Variants in ELFN1 observed in about 807,000 individuals in gnomAD.
ELFN1 encodes extracellular leucine rich repeat and fibronectin type III domain containing 1.
A neutral mutation model predicts 7.6 loss-of-function variants in ELFN1; 6 were observed. The observed-to-expected ratio is 0.79, with a 90% CI of 0.43 to 1.56. ELFN1 has a LOEUF of 1.56. ELFN1 is among the 40% of genes most tolerant of loss of function. ELFN1 has a pLI of 0.01. For missense variants in ELFN1, 1,169 were observed against 1,232.2 expected (o/e 0.95, Z 0.77); for synonymous variants, 657 against 588.1 (o/e 1.12, Z -1.70).
At chr7:1,728,024 C>T (rs945272819) in intron 3 of ELFN1, among the ~76,000 whole-genome samples, 3 of 152,188 alleles carry the variant, frequency 2.0e-5, no homozygotes, top group African/African-American at 7.2e-5. Flanking sequence ...AAGCACCACC[C>T]CTTTGCATGG....
intron 1 of ELFN1, among the ~76,000 whole-genome samples, chr7:1,684,685 A>G (rs1013237141): frequency 6.6e-6 from 1 of 151,998 alleles, no homozygotes; most frequent in Non-Finnish European, 1.5e-5. Context: ...ATTACCATCT[A>G]TTTTTCATTA....
chr7:1,714,307 C>T (rs1045616656), intron 3 of ELFN1, among the ~76,000 whole-genome samples: 12 of 152,122 alleles, frequency 7.9e-5, no homozygotes, highest in African/African-American at 1.9e-4. Flanking sequence ...CAGCCCTGCC[C>T]GCTCCCCCTG....
Position 1,677,029 on chromosome 7 carries a change from C to T in ELFN1, c.-549+6675C>T, listed in dbSNP as rs1778885113. ...GAGGGTAGCCCGTACTGGGTGCCGA[C>T]GCTGGCAGCGGAGAGACAGAGAGGA... On this transcript the variant is annotated intron_variant, in intron 1 of 3. Transcript: ENST00000424383. 2.6e-5 allele frequency among the ~76,000 whole-genome samples: 4 copies of T among 152,198 alleles called. 1 individual carries two copies. Among genetic ancestry groups the T allele is most frequent in the Admixed American group, 2.6e-4 (4 of 15,286 alleles).
chr7:1,724,836 G>C (rs6968884), intron 3 of ELFN1, among the ~76,000 whole-genome samples: 19,738 of 152,190 alleles, frequency 0.13, 1,328 homozygotes, highest in African/African-American at 0.17. Flanking sequence ...CCCACCTCCC[G>C]TCCTGCACCC....
chr7:1,731,803 C>T (rs1249620897), intron 3 of ELFN1, among the ~76,000 whole-genome samples: 1 of 152,218 alleles, frequency 6.6e-6, no homozygotes, highest in East Asian at 1.9e-4. Context: ...GCCCCCACCA[C>T]CACGCCTGGC....
chr7:1,710,449 C>T (rs1179108306), intron 3 of ELFN1, among the ~76,000 whole-genome samples: 1 of 152,210 alleles, frequency 6.6e-6, no homozygotes, highest in Non-Finnish European at 1.5e-5. Context: ...CCTGCCCCCT[C>T]ACCCCTGCCA....
intron 3 of ELFN1, among the ~76,000 whole-genome samples, chr7:1,719,552 G>A (rs988651794): frequency 4.1e-5 from 6 of 146,376 alleles, no homozygotes; most frequent in Admixed American, 6.8e-5. Context: ...CCCAGCCCCC[G>A]CAGTGCCCTC....
chr7:1,703,169 C>T (rs955503678), intron 2 of ELFN1, among the ~76,000 whole-genome samples: 28 of 152,172 alleles, frequency 1.8e-4, no homozygotes, highest in African/African-American at 5.3e-4. Flanking sequence ...TTGGGCCATA[C>T]GTTTCGTAAC....
At chr7:1,716,862 G>GAAGGAGAGTGGGGAGAA (rs1779849687) in intron 3 of ELFN1, among the ~76,000 whole-genome samples, 2 of 152,182 alleles carry the variant, frequency 1.3e-5, no homozygotes, top group African/African-American at 4.8e-5. Flanking sequence ...GGAGGGGAGA[G>GAAGGAGAGTGGGGAGAA]GAAGGAGAGT....
intron 3 of ELFN1, among the ~76,000 whole-genome samples, chr7:1,724,923 A>G (rs1201603797): frequency 1.3e-5 from 2 of 152,052 alleles, no homozygotes; most frequent in Non-Finnish European, 2.9e-5. Context: ...CTTACCTCAC[A>G]ATGGACACTG....
chr7:1,707,074 G>A (rs539424085), intron 2 of ELFN1, among the ~76,000 whole-genome samples: 8 of 152,368 alleles, frequency 5.3e-5, no homozygotes, highest in African/African-American at 1.2e-4. Context: ...GTCTGCTTGC[G>A]ACGGTAATGG....
At chr7:1,694,608 C>G (rs1274477255) in intron 2 of ELFN1, among the ~76,000 whole-genome samples, 1 of 152,222 alleles carries the variant, frequency 6.6e-6, no homozygotes, top group African/African-American at 2.4e-5. Context: ...CTCCCTGAGA[C>G]AGGAAACCAT....
At chr7:1,712,963 C>T (rs1031170727) in intron 3 of ELFN1, among the ~76,000 whole-genome samples, 2 of 152,158 alleles carry the variant, frequency 1.3e-5, no homozygotes, top group Non-Finnish European at 2.9e-5. Flanking sequence ...GATACTCATT[C>T]GACCACCCTG....
chr7:1,716,974 C>T (rs1779854204), intron 3 of ELFN1, among the ~76,000 whole-genome samples: 1 of 152,138 alleles, frequency 6.6e-6, no homozygotes, highest in Non-Finnish European at 1.5e-5. Context: ...TTTTTCATAG[C>T]AATGATTTGA....
chr7:1,725,918 C>T (rs1411300543), intron 3 of ELFN1, among the ~76,000 whole-genome samples: 1 of 151,848 alleles, frequency 6.6e-6, no homozygotes, highest in African/African-American at 2.4e-5. Context: ...AAATCACACA[C>T]AACACACCCT....
intron 2 of ELFN1, among the ~76,000 whole-genome samples, chr7:1,703,920 G>C (rs1779478751): frequency 6.6e-6 from 1 of 152,202 alleles, no homozygotes; most frequent in South Asian, 2.1e-4. Context: ...CTGTGTGCTG[G>C]GGGGTTTGTC....
chr7:1,734,544 C>T (rs1780395184), intron 3 of ELFN1, among the ~76,000 whole-genome samples: 3 of 152,178 alleles, frequency 2.0e-5, no homozygotes, highest in Admixed American at 1.3e-4. Flanking sequence ...GCCCTCCCCG[C>T]TCTGGTCGGG....
intron 2 of ELFN1, among the ~76,000 whole-genome samples, chr7:1,691,008 A>G (rs1779150867): frequency 6.6e-6 from 1 of 152,190 alleles, no homozygotes; most frequent in Admixed American, 6.5e-5. Context: ...GTCAGTATGG[A>G]CAGGAGCTTG....
At chr7:1,701,299 C>A (rs1372226966) in intron 2 of ELFN1, among the ~76,000 whole-genome samples, 1 of 152,146 alleles carries the variant, frequency 6.6e-6, no homozygotes, top group Non-Finnish European at 1.5e-5. Flanking sequence ...GATCCTCCCA[C>A]CTCAGCCTCC....
Sources: allele counts gnomAD v4.1 joint callset (sites outside exome capture counted in the v4.1 genomes callset), GRCh38; gene constraint gnomAD v4.1.1; transcripts MANE v1.5; gene names NCBI Gene and HGNC (gene_info 2026-07-23, HGNC 2026-07-21).